The following NRXN1 variants were observed in gnomAD, a reference collection of about 807,000 sequenced individuals.
The protein encoded by NRXN1 is neurexin 1.
Under a neutral mutation model 150.9 loss-of-function variants are expected in NRXN1, and 39 were observed. The ratio of observed to expected loss-of-function variants is 0.26; its 90% CI spans 0.20 to 0.34. NRXN1 has a LOEUF of 0.34. Ranked by LOEUF, NRXN1 falls within the 10% of genes least tolerant of loss-of-function variation. The pLI, the probability that NRXN1 is intolerant of heterozygous loss-of-function variation, is 1.00. For missense variants in NRXN1, 1,815 were observed against 1,949.9 expected, an observed-to-expected ratio of 0.93 and a Z score of 1.30; for synonymous variants, 924 against 757.0, an observed-to-expected ratio of 1.22 and a Z score of -3.62.
At chr2:50,261,365 T>C (rs1244179862) in intron 17 of NRXN1, among the ~76,000 whole-genome samples, 1 of 151,790 alleles carries the variant, frequency 6.6e-6, no homozygotes, top group African/African-American at 2.4e-5. Context: ...CTCAGAGAGA[T>C]TCATTTTCTC....
At chr2:50,465,776 A>G (rs1558779213) in intron 16 of NRXN1, among the ~76,000 whole-genome samples, 1 of 151,920 alleles carries the variant, frequency 6.6e-6, no homozygotes, top group East Asian at 1.9e-4. Flanking sequence ...CATTATAATC[A>G]TAAACTAAAC....
rs781079656 is a variant in NRXN1, at chr2:50,346,752, G to C, written c.3365-109782C>G. On this transcript the variant is annotated intron_variant, in intron 17 of 22. Coordinates refer to ENST00000401669, the MANE Select transcript of NRXN1 (RefSeq NM_001330078.2). The surrounding 1 kb of genome is among the most constrained non-coding windows in gnomAD (Gnocchi z 5.0). ...TTGCAATAGGCACTGAATGATGCTTGCTGCTGCCATGGAAATGGTGGATGT... is the reference window on the plus strand; with the variant it reads ...TTGCAATAGGCACTGAATGATGCTTCCTGCTGCCATGGAAATGGTGGATGT... 1.2e-6 allele frequency: 2 copies of C among 1,613,918 alleles called. No homozygotes were observed. Among genetic ancestry groups the C allele is most frequent in the East Asian group, 2.2e-5 (1 of 44,836 alleles).
chr2:50,704,886 T>A (rs1169736025), intron 5 of NRXN1, among the ~76,000 whole-genome samples: 1 of 152,024 alleles, frequency 6.6e-6, no homozygotes, highest in Non-Finnish European at 1.5e-5. Context: ...TTTCCTCATA[T>A]TTTTCTCACG....
At chr2:50,404,352 C>G (rs2082604503) in intron 17 of NRXN1, among the ~76,000 whole-genome samples, 1 of 152,088 alleles carries the variant, frequency 6.6e-6, no homozygotes. Context: ...AGGAAGTCAT[C>G]TGATTCAACC....
At chr2:50,265,924 T>C (rs966241652) in intron 17 of NRXN1, among the ~76,000 whole-genome samples, 5 of 151,472 alleles carry the variant, frequency 3.3e-5, no homozygotes, top group African/African-American at 1.2e-4. Flanking sequence ...CACACAAAGA[T>C]AGAGGTTTGA....
intron 18 of NRXN1, among the ~76,000 whole-genome samples, chr2:50,208,217 G>A (rs6545156): frequency 0.13 from 19,065 of 151,950 alleles, 1,306 homozygotes; most frequent in South Asian, 0.16. Flanking sequence ...CACTACCAGG[G>A]TACCCTCATC....
At position 50,466,158 on chromosome 2, in the gene NRXN1, T is replaced by C. The variant is rs543880308; in HGVS notation, c.3245-597A>G. Reference sequence around the variant, plus strand: ...ATAAATGGCATGCCCTCAATAAACATACAAGTAAAAAGAATGCTAGTCTAT... The same window carrying C: ...ATAAATGGCATGCCCTCAATAAACACACAAGTAAAAAGAATGCTAGTCTAT... On this transcript the variant is annotated intron_variant, in intron 16 of 22. Transcript: ENST00000401669. Among the ~76,000 whole-genome samples, 3 of 151,738 alleles carry C rather than the reference T, an allele frequency of 2.0e-5. 1 individual carries two copies. Among genetic ancestry groups the C allele is most frequent in the African/African-American group, 7.2e-5 (3 of 41,416 alleles).
intron 5 of NRXN1, among the ~76,000 whole-genome samples, chr2:50,662,356 C>T (rs72837011): frequency 0.08 from 12,212 of 151,950 alleles, 604 homozygotes; most frequent in Middle Eastern, 0.12. Flanking sequence ...GCTCCACTTT[C>T]CTATCTTCAA....
chr2:50,315,759 A>T (rs1368943606), intron 17 of NRXN1, among the ~76,000 whole-genome samples: 4 of 152,194 alleles, frequency 2.6e-5, no homozygotes, highest in African/African-American at 9.7e-5. Flanking sequence ...AAAAAATAAC[A>T]TCAAGAAGAC....
intron 18 of NRXN1, among the ~76,000 whole-genome samples, chr2:50,229,794 A>C (rs114845653): frequency 0.014 from 2,060 of 152,206 alleles, 52 homozygotes; most frequent in African/African-American, 0.047. Context: ...TATTTTGCCT[A>C]AAATGTTTCT....
intron 5 of NRXN1, among the ~76,000 whole-genome samples, chr2:50,639,422 T>A (rs993731272): frequency 6.6e-6 from 1 of 151,904 alleles, no homozygotes; most frequent in Non-Finnish European, 1.5e-5. Flanking sequence ...GGTCTTACCA[T>A]GTTGGCCAGG....
At chr2:50,508,767 A>G (rs1252043166) in intron 12 of NRXN1, among the ~76,000 whole-genome samples, 1 of 152,194 alleles carries the variant, frequency 6.6e-6, no homozygotes, top group African/African-American at 2.4e-5. Flanking sequence ...CATAAAATCC[A>G]ATTAAAAATA....
intron 8 of NRXN1, among the ~76,000 whole-genome samples, chr2:50,595,423 G>GA (rs112426586): frequency 0.3 from 41,900 of 139,900 alleles, 5,957 homozygotes; most frequent in African/African-American, 0.33. Context: ...GTAAAAAAAG[G>GA]AAAAAAAAAA....
At chr2:50,287,407 C>T (rs1008785301) in intron 17 of NRXN1, among the ~76,000 whole-genome samples, 1 of 152,030 alleles carries the variant, frequency 6.6e-6, no homozygotes, top group African/African-American at 2.4e-5. Context: ...TAAAAATTGA[C>T]ATTGTTGTCT....
chr2:50,724,915 C>T (rs530949870), intron 5 of NRXN1, among the ~76,000 whole-genome samples: 1 of 150,990 alleles, frequency 6.6e-6, no homozygotes, highest in African/African-American at 2.4e-5. Context: ...AAAAAACAAA[C>T]AAATAAACAA....
intron 17 of NRXN1, among the ~76,000 whole-genome samples, chr2:50,465,035 A>G (rs2088671151): frequency 6.6e-6 from 1 of 151,868 alleles, no homozygotes; most frequent in African/African-American, 2.4e-5. Flanking sequence ...ATGTACGCAG[A>G]GAGAAAAATG....
Position 50,249,267 on chromosome 2 carries a change from G to A in NRXN1, c.3365-12297C>T, listed in dbSNP as rs145599229. Among the ~76,000 whole-genome samples, 476 of 151,652 alleles carry A rather than the reference G, an allele frequency of 3.1e-3. 2 individuals are homozygous for A. Among genetic ancestry groups the A allele is most frequent in the African/African-American group, 0.011 (441 of 41,382 alleles). ...ACTCATATCTCTTCTAATAAAACAA[G>A]ACAAAAAAATCCTATGAGAGATCAC... On this transcript the variant is annotated intron_variant, in intron 17 of 22. Transcript: ENST00000401669.
At chr2:50,447,267 A>T (rs778544981) in intron 17 of NRXN1, among the ~76,000 whole-genome samples, 3 of 151,962 alleles carry the variant, frequency 2.0e-5, no homozygotes, top group Non-Finnish European at 1.5e-5. Context: ...GGAGGTCAGA[A>T]TTTCGAGATC....
In NRXN1 at chr2:50,887,591, G is replaced by A. The variant is rs563558573; in HGVS notation, c.832+34278C>T. On this transcript the variant is annotated intron_variant, in intron 5 of 22. Transcript: ENST00000401669. ...CATCTGTGAGTTTATCTAGTCTTTC[G>A]TTTACTCTTTTAATGTCTATGAGTC... 5.9e-5 allele frequency among the ~76,000 whole-genome samples: 9 copies of A among 151,264 alleles called. No individual in the cohort carries two copies. The Admixed American group carries it at 6.0e-4, about 10-fold the overall frequency.
Sources: allele counts gnomAD v4.1 joint callset (sites outside exome capture counted in the v4.1 genomes callset), GRCh38; gene constraint gnomAD v4.1.1; non-coding constraint Gnocchi (gnomAD v3.1); transcripts MANE v1.5; gene names NCBI Gene and HGNC (gene_info 2026-07-23, HGNC 2026-07-21).